Variants in NRP1 observed in about 807,000 individuals in gnomAD.
The protein encoded by NRP1 is neuropilin-1.
A neutral mutation model predicts 106.7 loss-of-function variants in NRP1; 35 were observed. The observed-to-expected ratio is 0.33, with a 90% confidence interval of 0.25 to 0.43. The LOEUF is 0.43. Among genes scored for constraint, NRP1 ranks in the 20% least tolerant of loss-of-function variants. NRP1 has a pLI of 1.00. For synonymous variants in NRP1, 437 were observed against 417.9 expected, an observed-to-expected ratio of 1.05 and a Z score of -0.56; for missense variants, 1,024 against 1,170.4, an observed-to-expected ratio of 0.87 and a Z score of 1.83.
Position 33,213,428 on chromosome 10 carries a change from C to A in NRP1, c.1572G>T (p.Ser524=), listed in dbSNP as rs758100228. Residue 524 remains serine (S), a synonymous_variant, in exon 9 of 17, where the codon TCG becomes TCT. Transcript: ENST00000374867. ...TGTCATCCATGATCATCTTCCAGTC[C>A]GAGCCGTTGTTGCTGTACCCGATCT... ...KFKIGYSNNG[S]DWKMIMDDSK... The A allele has an allele frequency of 9.9e-6, 16 of 1,613,888 alleles. No individual in the cohort carries two copies. The Admixed American group carries it at 2.7e-4, about 27-fold the overall frequency.
intron 6 of NRP1, among the ~76,000 whole-genome samples, chr10:33,232,453 G>T (rs1270587957): frequency 6.6e-6 from 1 of 152,100 alleles, no homozygotes; most frequent in Non-Finnish European, 1.5e-5. Context: ...TGGTGAGGGG[G>T]TGTGATGATG....
rs77240673 is a variant in NRP1 at position 33,289,633 on chromosome 10, C to A, written c.249-18777G>T. ...AATTTGCTCCACATCAAGTCTCAAT[C>A]CAACTGACATTAGCGTGTGTTAGAT... On this transcript the variant is annotated intron_variant, in intron 2 of 16. Coordinates refer to ENST00000374867, the MANE Select transcript of NRP1 (RefSeq NM_003873.7). Among the ~76,000 whole-genome samples the A allele has an allele frequency of 6.7e-4, 102 of 152,298 alleles. 1 individual carries two copies. In the East Asian group the frequency reaches 0.013, roughly 20 times the overall value.
intron 10 of NRP1, among the ~76,000 whole-genome samples, chr10:33,207,190 T>C (rs547664901): frequency 6.6e-6 from 1 of 152,058 alleles, no homozygotes; most frequent in Non-Finnish European, 1.5e-5. Context: ...GTGATGGAAA[T>C]ATTTTGGAAC....
At chr10:33,260,977 C>T (rs1312556368) in intron 4 of NRP1, among the ~76,000 whole-genome samples, 5 of 109,088 alleles carry the variant, frequency 4.6e-5, no homozygotes, top group Non-Finnish European at 8.7e-5. Context: ...GTTTCTAGTG[C>T]CATTGACCAA....
chr10:33,257,848 C>T lies in NRP1; in HGVS notation c.659-1377G>A, dbSNP rs1475997357. On this transcript the variant is annotated intron_variant, in intron 4 of 16. Transcript: ENST00000374867. ...TTTTTCTCTAGGTTTTTTCATTGCA[C>T]ATATGGCAAAAACATACCAGATGGT... 2.6e-5 allele frequency among the ~76,000 whole-genome samples: 4 copies of T among 151,600 alleles called. No homozygotes were observed. In the East Asian group the frequency reaches 7.7e-4, roughly 29 times the overall value.
In NRP1 at chr10:33,263,852, T is replaced by C. The variant is rs1842744911; in HGVS notation, c.452A>G (p.Tyr151Cys). ...FKRGPECSQN[Y>C]TTPSGVIKSP... ...CTTTATCACTCCACTAGGTGTTGTG[T>C]AGTTCTGGGAACATTCAGGACCTAT... The change falls in exon 4 of 17, where the codon TAC becomes TGC. Residue 151 changes from tyrosine to cysteine, a missense_variant. By Grantham distance (194) the Tyr-to-Cys change is radical. This residue lies in a region of NRP1 where 279 missense variants were observed against 327.4 expected (regional missense o/e 0.85). Transcript: ENST00000374867. The C allele has an allele frequency of 1.2e-6, 2 of 1,612,436 alleles. No homozygotes were observed. The highest frequency in any genetic ancestry group is 1.7e-6 in the Non-Finnish European group (2 of 1,178,442).
chr10:33,260,985 C>CAAAAAAAAAAAAA (rs35665366), intron 4 of NRP1, among the ~76,000 whole-genome samples: 1 of 60,068 alleles, frequency 1.7e-5, no homozygotes, highest in African/African-American at 6.4e-5. Flanking sequence ...TGCCATTGAC[C>CAAAAAAAAAAAAA]AAAAAAAAAA....
At position 33,330,728 on chromosome 10, in the gene NRP1, A is replaced by G. The variant is rs761008766; in HGVS notation, c.228T>C (p.Asp76=). 7.4e-6 allele frequency: 12 copies of G among 1,612,524 alleles called. No individual in the cohort carries two copies. The highest frequency in any genetic ancestry group is 1.1e-5 in the South Asian group (1 of 90,914). ...RIMINFNPHF[D]LEDRDCKYDY... is the part of the protein sequence containing the mutation. ...CTTACTTGCAGTCTCTGTCCTCCAA[A>G]TCGAAGTGAGGGTTGAAGTTGATCA... Residue 76 remains aspartate (D), a synonymous_variant, in exon 2 of 17, where the codon GAT becomes GAC. Coordinates refer to ENST00000374867, the MANE Select transcript of NRP1 (RefSeq NM_003873.7).
At chr10:33,244,697 C>T (rs1378527686) in intron 6 of NRP1, among the ~76,000 whole-genome samples, 1 of 152,040 alleles carries the variant, frequency 6.6e-6, no homozygotes, top group African/African-American at 2.4e-5. Context: ...AATAGACAGC[C>T]TTTTCAACCA....
At chr10:33,289,520 C>A (rs1844832857) in intron 2 of NRP1, among the ~76,000 whole-genome samples, 2 of 152,136 alleles carry the variant, frequency 1.3e-5, no homozygotes, top group Admixed American at 1.3e-4. Flanking sequence ...AACTTTCCTG[C>A]CATTCCCTAG....
At chr10:33,252,995 G>GTT (rs1564425251) in intron 6 of NRP1, among the ~76,000 whole-genome samples, 1 of 133,828 alleles carries the variant, frequency 7.5e-6, no homozygotes. Context: ...ATCATCTTGT[G>GTT]GTTTTTTTTT....
chr10:33,274,467 A>G (rs1036301444), intron 2 of NRP1, among the ~76,000 whole-genome samples: 4 of 152,156 alleles, frequency 2.6e-5, no homozygotes, highest in African/African-American at 9.7e-5. Flanking sequence ...GTTTAGGAAA[A>G]TGGCCAAGTA....
intron 2 of NRP1, among the ~76,000 whole-genome samples, chr10:33,301,059 C>T (rs796644198): frequency 1.5e-4 from 23 of 152,274 alleles, no homozygotes; most frequent in African/African-American, 5.3e-4. Flanking sequence ...TTCTCTCCTC[C>T]ATGGGAGCCG....
chr10:33,304,920 C>G (rs1354052594), intron 2 of NRP1, among the ~76,000 whole-genome samples: 7 of 152,234 alleles, frequency 4.6e-5, no homozygotes, highest in Admixed American at 4.6e-4. Context: ...AAAGCAGAAG[C>G]ATCCATGCAA....
chr10:33,253,228 A>G (rs550531473), intron 6 of NRP1, among the ~76,000 whole-genome samples: 4 of 152,274 alleles, frequency 2.6e-5, no homozygotes, highest in African/African-American at 9.6e-5. Flanking sequence ...TTGGGTGGGA[A>G]TACCCAGATA....
chr10:33,334,154 C>T (rs780453349), intron 1 of NRP1, among the ~76,000 whole-genome samples, 156 bp downstream of exon 1: 3 of 152,210 alleles, frequency 2.0e-5, no homozygotes, highest in African/African-American at 7.2e-5. Context: ...ACCGCCTGAT[C>T]TCATTTCTTC....
chr10:33,199,389 A>ATATATATATATATTTT (rs1564372890), intron 11 of NRP1, among the ~76,000 whole-genome samples: 1 of 36,846 alleles, frequency 2.7e-5, no homozygotes, highest in Non-Finnish European at 4.5e-5. Context: ...ATATATATAT[A>ATATATATATATATTTT]TTTTTTTTTT....
At chr10:33,202,276 T>G in intron 11 of NRP1, 1 of 163,382 alleles carries the variant, frequency 6.1e-6, no homozygotes, top group East Asian at 1.7e-4. Flanking sequence ...CTTTTAGGGT[T>G]TTAGGAGATT....
chr10:33,252,268 C>T (rs1238771937), intron 6 of NRP1, among the ~76,000 whole-genome samples: 1 of 152,114 alleles, frequency 6.6e-6, no homozygotes, highest in Non-Finnish European at 1.5e-5. Context: ...AAACCTTGCA[C>T]GCATTCTCCA....
Sources: gnomAD v4.1 joint callset for allele counts (sites outside exome capture counted in the v4.1 genomes callset) on GRCh38, gnomAD v4.1.1 for gene constraint, gnomAD v4.1.1 regional missense constraint, MANE v1.5 for transcripts, NCBI Gene and HGNC (gene_info 2026-07-23, HGNC 2026-07-21) for gene names.